The following PLCL1 variants were observed in gnomAD, a reference collection of about 807,000 sequenced individuals.
The protein encoded by PLCL1 is inactive phospholipase C-like protein 1.
In PLCL1, 41 loss-of-function variants were observed where a neutral mutation model predicts 84.4. That is an observed-to-expected ratio of 0.49 (90% confidence interval 0.38 to 0.63). PLCL1 has a LOEUF of 0.63. Among genes scored for constraint, PLCL1 ranks in the 30% least tolerant of loss-of-function variants. PLCL1 has a pLI of 0.00. For synonymous variants in PLCL1, 490 were observed against 488.3 expected (o/e 1.00, Z -0.05); for missense variants, 1,206 against 1,367.8 (o/e 0.88, Z 1.87).
At chr2:197,997,543 A>G (rs1450332554) in intron 1 of PLCL1, among the ~76,000 whole-genome samples, 1 of 152,154 alleles carries the variant, frequency 6.6e-6, no homozygotes, top group Non-Finnish European at 1.5e-5. Flanking sequence ...ATTCACACCC[A>G]AAGAGGCCTT....
chr2:198,061,999 C>T (rs142634386), intron 1 of PLCL1, among the ~76,000 whole-genome samples: 23 of 152,300 alleles, frequency 1.5e-4, no homozygotes, highest in Non-Finnish European at 2.5e-4. Context: ...CTGTCTAGCA[C>T]GGCAGTGGTT....
chr2:197,944,472 G>A (rs1518366), intron 1 of PLCL1, among the ~76,000 whole-genome samples: 73,449 of 151,916 alleles, frequency 0.48, 18,168 homozygotes, highest in Middle Eastern at 0.58. Flanking sequence ...GGGTGGTAGA[G>A]GTTACAACTT....
At chr2:198,138,569 G>C (rs1346255007) in intron 5 of PLCL1, among the ~76,000 whole-genome samples, 1 of 152,100 alleles carries the variant, frequency 6.6e-6, no homozygotes, top group Non-Finnish European at 1.5e-5. Context: ...ACAAGAAGTT[G>C]TTTGAAGGCC....
chr2:198,080,246 C>T (rs1692678331), intron 1 of PLCL1, among the ~76,000 whole-genome samples: 1 of 152,194 alleles, frequency 6.6e-6, no homozygotes, highest in African/African-American at 2.4e-5. Flanking sequence ...ACCATTTAAC[C>T]ATTTTTAAGT....
chr2:197,839,155 A>C (rs1335019348), intron 1 of PLCL1, among the ~76,000 whole-genome samples: 1 of 152,242 alleles, frequency 6.6e-6, no homozygotes, highest in African/African-American at 2.4e-5. Context: ...ATTTAAAAAG[A>C]AAAACATTTC....
At chr2:197,890,928 C>G (rs1056721095) in intron 1 of PLCL1, among the ~76,000 whole-genome samples, 2 of 149,616 alleles carry the variant, frequency 1.3e-5, no homozygotes, top group Admixed American at 1.3e-4. Flanking sequence ...GGGTATCCTT[C>G]CAATCAATAA....
chr2:198,016,253 G>T (rs1251987312), intron 1 of PLCL1, among the ~76,000 whole-genome samples: 1 of 151,898 alleles, frequency 6.6e-6, no homozygotes, highest in African/African-American at 2.4e-5. Flanking sequence ...AGGAGAGCAG[G>T]TTGGAAGAAG....
chr2:197,947,237 A>AATATATATATATATATATATATATATAT (rs55700681), intron 1 of PLCL1, among the ~76,000 whole-genome samples: 3 of 142,750 alleles, frequency 2.1e-5, no homozygotes, highest in African/African-American at 7.8e-5. Context: ...TGCTTAGATA[A>AATATATATATATATATATATATATATAT]ATATATATAT....
intron 1 of PLCL1, among the ~76,000 whole-genome samples, chr2:198,076,192 A>G (rs1692574229): frequency 1.3e-5 from 2 of 151,486 alleles, no homozygotes; most frequent in South Asian, 4.2e-4. Context: ...TCAGCACTCT[A>G]TCACTAGCTT....
chr2:198,084,854 T>C lies in PLCL1; in HGVS notation c.1337T>C (p.Val446Ala), dbSNP rs896337840. 3.1e-6 allele frequency: 5 copies of C among 1,613,936 alleles called. No individual in the cohort carries two copies. The highest frequency in any genetic ancestry group is 1.3e-5 in the African/African-American group (1 of 74,944). The change falls in exon 2 of 6, where the codon GTA becomes GCA. Residue 446 changes from valine (V) to alanine (A), a missense_variant. Coordinates refer to ENST00000428675, the MANE Select transcript of PLCL1 (RefSeq NM_006226.4). ...KMGCRSVELDVSDGSDNEPIL... is the reference protein window; with the variant it reads ...KMGCRSVELDASDGSDNEPIL... Reference sequence around the variant, plus strand: ...GGCTGTCGAAGCGTTGAACTCGATGTAAGTGATGGTTCAGATAATGAACCA... The same window carrying C: ...GGCTGTCGAAGCGTTGAACTCGATGCAAGTGATGGTTCAGATAATGAACCA...
At position 198,103,916 on chromosome 2, in the gene PLCL1, TG is replaced by T; in HGVS notation, c.3087del (p.Trp1029Ter). 6.3e-7 allele frequency: 1 copy of T among 1,598,730 alleles called. No individual in the cohort carries two copies. Among genetic ancestry groups the T allele is most frequent in the Non-Finnish European group, 8.6e-7 (1 of 1,168,836 alleles). ...CAACAAAGCAACTGAGAGCTTTGCT[TG>T]GAACATTACAGTATTGAAGGTAGAT... The part of the protein sequence containing the change: ...KLNKATESFA[W>X]NITVLKGQGD... On this transcript the variant is annotated frameshift_variant, in exon 5 of 6. Transcript: ENST00000428675. LOFTEE classifies it high-confidence loss of function.
At chr2:197,943,627 C>CTTTTTTTTTTTTTTTTTTTTTTTTCT (rs5837573) in intron 1 of PLCL1, among the ~76,000 whole-genome samples, 1 of 119,208 alleles carries the variant, frequency 8.4e-6, no homozygotes, top group Non-Finnish European at 1.7e-5. Flanking sequence ...TTGGTTACAT[C>CTTTTTTTTTTTTTTTTTTTTTTTTCT]TTTTTTTTTT....
chr2:197,935,538 T>C (rs1374326610), intron 1 of PLCL1, among the ~76,000 whole-genome samples: 3 of 152,112 alleles, frequency 2.0e-5, no homozygotes, highest in African/African-American at 4.8e-5. Context: ...CTGCATATTC[T>C]CACTTATAAG....
At chr2:197,960,172 C>T (rs1038794526) in intron 1 of PLCL1, among the ~76,000 whole-genome samples, 1 of 152,002 alleles carries the variant, frequency 6.6e-6, no homozygotes. Context: ...TTCCTGCATA[C>T]TTCTTTTTCA....
chr2:198,116,849 G>A (rs1693760080), intron 5 of PLCL1, among the ~76,000 whole-genome samples: 1 of 151,864 alleles, frequency 6.6e-6, no homozygotes, highest in Admixed American at 6.6e-5. Context: ...ACGAAGCTAT[G>A]TGTTCTAAAA....
At chr2:197,920,830 T>C (rs887839723) in intron 1 of PLCL1, among the ~76,000 whole-genome samples, 2 of 152,214 alleles carry the variant, frequency 1.3e-5, no homozygotes, top group Non-Finnish European at 2.9e-5. Context: ...TTGCAAACCA[T>C]GAAAGCCTTT....
At chr2:198,125,616 A>C (rs1693966779) in intron 5 of PLCL1, among the ~76,000 whole-genome samples, 1 of 152,128 alleles carries the variant, frequency 6.6e-6, no homozygotes, top group Admixed American at 6.6e-5. Context: ...TTGGTTTAAT[A>C]CCCTTGAAGG....
intron 1 of PLCL1, among the ~76,000 whole-genome samples, chr2:197,941,764 T>A (rs1689162391): frequency 6.6e-6 from 1 of 152,186 alleles, no homozygotes; most frequent in Admixed American, 6.5e-5. Flanking sequence ...TCTCTCTCTC[T>A]CTCTCCCATT....
At chr2:198,062,723 C>T (rs1427372986) in intron 1 of PLCL1, among the ~76,000 whole-genome samples, 1 of 151,988 alleles carries the variant, frequency 6.6e-6, no homozygotes, top group African/African-American at 2.4e-5. Flanking sequence ...GGGGGTGAGC[C>T]TAGGGTATCA....
Sources: gnomAD v4.1 joint callset for allele counts (sites outside exome capture counted in the v4.1 genomes callset) on GRCh38, gnomAD v4.1.1 for gene constraint, MANE v1.5 for transcripts, NCBI Gene and HGNC (gene_info 2026-07-23, HGNC 2026-07-21) for gene names.